NMRK1: variants seen among roughly 807,000 people sequenced by gnomAD.
NMRK1 encodes the protein nicotinamide riboside kinase 1.
NMRK1 carries 28 observed loss-of-function variants against 29.9 expected under a neutral mutation model. The ratio of observed to expected loss-of-function variants is 0.94; its 90% CI spans 0.69 to 1.28. NMRK1 has a LOEUF of 1.28. Ranked by LOEUF, NMRK1 falls within the 50% of genes most tolerant of loss-of-function variation. The probability of loss-of-function intolerance (pLI) is 0.00; values close to 1 mark genes in which losing one functional copy is unlikely to be tolerated. For synonymous variants in NMRK1, 58 were observed against 73.0 expected (o/e 0.79, Z 1.05); for missense variants, 218 against 233.1 (o/e 0.94, Z 0.42).
chr9:75,077,037 G>A (rs967815179), intron 4 of NMRK1, 122 bp downstream of exon 4: 10 of 645,962 alleles, frequency 1.5e-5, no homozygotes, highest in Non-Finnish European at 2.8e-5. Context: ...CACAGATATA[G>A]TGAAGTTCTT....
rs181344889 is a variant in NMRK1 at position 75,079,870 on chromosome 9, G to C, written c.30-2290C>G. Among the ~76,000 whole-genome samples the C allele has an allele frequency of 2.0e-5, 3 of 152,310 alleles. No homozygotes were observed. The East Asian group carries it at 5.8e-4, about 29-fold the overall frequency. On this transcript the variant is annotated intron_variant, in intron 2 of 8. Coordinates refer to ENST00000361092, the MANE Select transcript of NMRK1 (RefSeq NM_017881.3). The stretch of plus-strand genomic sequence containing the variant: ...GGCACGCCCACAACCACCACGTGTA[G>C]CTTGCGTGTGCTACCCAACCTGAGG...
chr9:75,077,620 C>A (rs767574282), intron 2 of NMRK1, 40 bp from the exon 3 acceptor site: 53 of 1,328,780 alleles, frequency 4.0e-5, no homozygotes, highest in South Asian at 2.0e-4. Flanking sequence ...AAGGAAAATG[C>A]ATTAAAAATC....
chr9:75,065,955 T>A (rs188930317), intron 8 of NMRK1, among the ~76,000 whole-genome samples: 78 of 152,352 alleles, frequency 5.1e-4, no homozygotes, highest in Non-Finnish European at 5.6e-4. Flanking sequence ...TAGGAGGATG[T>A]TGTTGTCAAC....
At position 75,083,099 on chromosome 9, in the gene NMRK1, A is replaced by G. The variant is rs747179261; in HGVS notation, c.17T>C (p.Ile6Thr). 90 of 1,599,556 alleles carry G rather than the reference A, an allele frequency of 5.6e-5. 1 individual carries two copies. The highest frequency in any genetic ancestry group is 5.1e-4 in the South Asian group (46 of 90,768). ...CAAAATTACTCACCCACTGATTCCA[A>G]TGATAAATGTTTTCATAATTAGCTT... MKTFI[I>T]GISGVTNSGK... The change falls in exon 2 of 9, where the codon ATT becomes ACT. Residue 6 changes from isoleucine (I) to threonine (T), a missense_variant. Coordinates refer to ENST00000361092, the MANE Select transcript of NMRK1 (RefSeq NM_017881.3).
chr9:75,066,954 G>C, intron 7 of NMRK1, 114 bp from the exon 8 acceptor site: 1 of 627,430 alleles, frequency 1.6e-6, no homozygotes, highest in Non-Finnish European at 2.8e-6. Context: ...AAGGCACCCA[G>C]GACCATAACT....
At chr9:75,087,344 C>CT (rs1267531994) in intron 1 of NMRK1, among the ~76,000 whole-genome samples, 3 of 152,028 alleles carry the variant, frequency 2.0e-5, no homozygotes, top group African/African-American at 7.3e-5. Flanking sequence ...TCCTTGTGTG[C>CT]TCCAGTTCTT....
intron 2 of NMRK1, among the ~76,000 whole-genome samples, chr9:75,082,310 C>A (rs2273764): frequency 0.064 from 9,672 of 152,084 alleles, 312 homozygotes; most frequent in East Asian, 0.097. Flanking sequence ...AGATGGGAGG[C>A]AAAGCAGAGT....
chr9:75,083,510 A>G (rs373034515), intron 1 of NMRK1, among the ~76,000 whole-genome samples: 1 of 152,222 alleles, frequency 6.6e-6, no homozygotes, highest in East Asian at 1.9e-4. Context: ...TCGCCTGGGT[A>G]TGACTCATTA....
In NMRK1 at chr9:75,083,073, G is replaced by A. The variant is rs1824410736; in HGVS notation, c.29+14C>T. Reference sequence around the variant, plus strand: ...TCAGTATCTTAAAGAGCTGTTTGTAGCAAAATTACTCACCCACTGATTCCA... The same window carrying A: ...TCAGTATCTTAAAGAGCTGTTTGTAACAAAATTACTCACCCACTGATTCCA... On this transcript the variant is annotated intron_variant, in intron 2 of 8. Transcript: ENST00000361092. 3.8e-6 allele frequency: 6 copies of A among 1,583,430 alleles called. No homozygotes were observed. In the East Asian group the frequency reaches 1.3e-4, roughly 35 times the overall value.
chr9:75,085,726 GTTTTTT>G (rs58741153), intron 1 of NMRK1, among the ~76,000 whole-genome samples: 4 of 85,142 alleles, frequency 4.7e-5, no homozygotes, highest in Non-Finnish European at 6.8e-5. Context: ...TCAAATGTAA[GTTTTTT>G]TTTTTTTTTT....
intron 6 of NMRK1, 127 bp downstream of exon 6, chr9:75,069,613 TAA>T (rs1156723194): frequency 4.1e-6 from 3 of 726,620 alleles, no homozygotes; most frequent in South Asian, 1.7e-5. Context: ...GCTCCTTTTG[TAA>T]AAGAGTTAAG....
intron 8 of NMRK1, among the ~76,000 whole-genome samples, chr9:75,063,619 T>G: frequency 6.6e-6 from 1 of 152,190 alleles, no homozygotes; most frequent in East Asian, 1.9e-4. Context: ...TGTTTCCCCT[T>G]CATTATTATT....
At chr9:75,071,253 CT>C (rs1168901957) in intron 4 of NMRK1, among the ~76,000 whole-genome samples, 1 of 152,106 alleles carries the variant, frequency 6.6e-6, no homozygotes, top group Non-Finnish European at 1.5e-5. Context: ...ATTATTTTCT[CT>C]GTCATAGTTA....
At chr9:75,075,150 AACTG>A (rs1281717104) in intron 4 of NMRK1, among the ~76,000 whole-genome samples, 1 of 152,250 alleles carries the variant, frequency 6.6e-6, no homozygotes, top group African/African-American at 2.4e-5. Context: ...TTAATCCAAT[AACTG>A]ACTGCTTCTA....
At chr9:75,077,069 G>A (rs1000288439) in intron 4 of NMRK1, 90 bp downstream of exon 4, 1 of 763,594 alleles carries the variant, frequency 1.3e-6, no homozygotes, top group African/African-American at 1.8e-5. Flanking sequence ...TTGTTCCACA[G>A]AACCATCAAC....
intron 1 of NMRK1, among the ~76,000 whole-genome samples, chr9:75,087,260 AAC>A (rs1442961945): frequency 6.6e-6 from 1 of 152,122 alleles, no homozygotes; most frequent in Non-Finnish European, 1.5e-5. Flanking sequence ...TTCTTAGGTA[AAC>A]AGTTTTTTCT....
intron 2 of NMRK1, among the ~76,000 whole-genome samples, chr9:75,080,704 C>T (rs1824269144): frequency 6.6e-6 from 1 of 152,168 alleles, no homozygotes; most frequent in South Asian, 2.1e-4. Flanking sequence ...GTGTTTGGCT[C>T]ATGAGGGCAG....
chr9:75,071,446 C>A (rs147268235), intron 4 of NMRK1, among the ~76,000 whole-genome samples: 1 of 152,274 alleles, frequency 6.6e-6, no homozygotes, highest in African/African-American at 2.4e-5. Flanking sequence ...ATGCTGCTTT[C>A]AATTCTTTGT....
chr9:75,075,679 G>A (rs1823947713), intron 4 of NMRK1, among the ~76,000 whole-genome samples: 1 of 152,092 alleles, frequency 6.6e-6, no homozygotes, highest in African/African-American at 2.4e-5. Context: ...TGTGAGCTTG[G>A]AGTAAGGAAT....
Sources: allele counts gnomAD v4.1 joint callset (sites outside exome capture counted in the v4.1 genomes callset), GRCh38; gene constraint gnomAD v4.1.1; transcripts MANE v1.5; gene names NCBI Gene and HGNC (gene_info 2026-07-23, HGNC 2026-07-21).